The following KCNQ1OT1 variants were observed in gnomAD, a reference collection of about 807,000 sequenced individuals.
KCNQ1OT1 encodes the protein KCNQ1 antisense RNA 2 (non-protein coding).
At chr11:2,692,317 C>T in exon 1 of KCNQ1OT1, 1 of 399,066 alleles carries the variant, frequency 2.5e-6, no homozygotes, top group Non-Finnish European at 4.4e-6. Flanking sequence ...CCTATTGCCA[C>T]TGTCCTGATA....
exon 1 of KCNQ1OT1, chr11:2,640,368 C>A: frequency 2.5e-6 from 1 of 398,662 alleles, no homozygotes; most frequent in South Asian, 1.3e-4. Context: ...TTACTGCAAT[C>A]TTTAACTCCC....
In KCNQ1OT1 at chr11:2,651,579, C is replaced by T; in HGVS notation, n.48416G>A. 1 of 398,652 alleles carries T rather than the reference C, an allele frequency of 2.5e-6. No homozygotes were observed. Among genetic ancestry groups the T allele is most frequent in the Non-Finnish European group, 4.4e-6 (1 of 226,090 alleles). 24.7% of individuals were successfully genotyped at this position (398,652 alleles called of 1,614,324 possible). A position where few individuals can be genotyped will look rare whatever the true frequency, so the allele number is the denominator to read the frequency against. On this transcript the variant is annotated non_coding_transcript_exon_variant, in exon 1 of 1. Coordinates refer to ENST00000597346, the Ensembl canonical transcript of KCNQ1OT1. This position sits in a 1 kb window ranked among gnomAD's most constrained non-coding sequence, Gnocchi z 6.1. ...ATTGTGTTCTTTACCTCCATGTCTC[C>T]AGTGCCTGCCACATAGCAGGTCCTC... is the stretch of plus-strand genomic sequence containing the variant.
At chr11:2,641,833 G>A (rs771511023) in exon 1 of KCNQ1OT1, 14 of 398,142 alleles carry the variant, frequency 3.5e-5, no homozygotes, top group South Asian at 2.5e-4. Context: ...AGATAGAAAC[G>A]GTTTCATTTT....
chr11:2,619,720 T>G (rs2133802087), exon 1 of KCNQ1OT1: 1 of 398,446 alleles, frequency 2.5e-6, no homozygotes, highest in South Asian at 1.3e-4. Context: ...GCATTTTTTT[T>G]TTTTTGGAAG....
chr11:2,666,082 T>C (rs1850061751), exon 1 of KCNQ1OT1: 2 of 398,640 alleles, frequency 5.0e-6, no homozygotes, highest in East Asian at 7.1e-5. Context: ...CTGCAGCCTA[T>C]GGCTCTGCCC....
exon 1 of KCNQ1OT1, chr11:2,689,625 A>C (rs916379086): frequency 1.3e-5 from 5 of 398,584 alleles, no homozygotes; most frequent in Non-Finnish European, 1.8e-5. Flanking sequence ...TTTAGGAACA[A>C]AACAAGCCAG....
rs957664318 is a variant in KCNQ1OT1 at position 2,624,700 on chromosome 11, G to C, written n.75295C>G. 2 of 398,444 alleles carry C rather than the reference G, an allele frequency of 5.0e-6. No homozygotes were observed. The highest frequency in any genetic ancestry group is 8.8e-5 in the Admixed American group (2 of 22,720). The allele number at this position is 398,444 out of a possible 1,614,324, so 24.7% of individuals were successfully genotyped here. A position where few individuals can be genotyped will look rare whatever the true frequency, so the allele number is the denominator to read the frequency against. On this transcript the variant is annotated non_coding_transcript_exon_variant, in exon 1 of 1. Coordinates refer to ENST00000597346, the Ensembl canonical transcript of KCNQ1OT1. The surrounding 1 kb of genome is among the most constrained non-coding windows in gnomAD (Gnocchi z 4.9). ...TCCATCTCCATAACACTTGTCATTT[G>C]TAATTATGAAACTCTATATCCATTA...
rs1850339805 is a variant in KCNQ1OT1 at position 2,678,892 on chromosome 11, C to T, written n.21103G>A. ...TGCCAGCTGGACCCAAGGACCATTT[C>T]GTATACATGTATGATCATACTTTCA... On this transcript the variant is annotated non_coding_transcript_exon_variant, in exon 1 of 1. Coordinates refer to ENST00000597346, the Ensembl canonical transcript of KCNQ1OT1. The surrounding 1 kb of genome is among the most constrained non-coding windows in gnomAD (Gnocchi z 4.9). The T allele has an allele frequency of 2.5e-6, 1 of 398,554 alleles. No homozygotes were observed. Among genetic ancestry groups the T allele is most frequent in the East Asian group, 3.6e-5 (1 of 28,082 alleles). 24.7% of individuals were successfully genotyped at this position (398,554 alleles called of 1,614,324 possible).
chr11:2,699,989 C>T (rs1850768296), exon 1 of KCNQ1OT1: 7 of 398,168 alleles, frequency 1.8e-5, no homozygotes, highest in East Asian at 3.6e-5. Context: ...ACGCGGCGAC[C>T]GTTCTGCCTG....
In KCNQ1OT1 at chr11:2,611,239, G is replaced by T. The variant is rs1001478190; in HGVS notation, n.88756C>A. ...TTTATTTATTTTTATTTTATTTTTGGGATGGAGTCTCACTCTGTTGCCCAG... is the reference window on the plus strand; with the variant it reads ...TTTATTTATTTTTATTTTATTTTTGTGATGGAGTCTCACTCTGTTGCCCAG... On this transcript the variant is annotated non_coding_transcript_exon_variant, in exon 1 of 1. Coordinates refer to ENST00000597346, the Ensembl canonical transcript of KCNQ1OT1. This position sits in a 1 kb window ranked among gnomAD's most constrained non-coding sequence, Gnocchi z 5.3. The T allele has an allele frequency of 1.3e-5, 5 of 397,084 alleles. No homozygotes were observed. Among genetic ancestry groups the T allele is most frequent in the South Asian group, 1.3e-4 (1 of 7,416 alleles). 24.6% of individuals were successfully genotyped at this position (397,084 alleles called of 1,614,324 possible).
exon 1 of KCNQ1OT1, chr11:2,685,190 C>T (rs903106186): frequency 4.8e-5 from 19 of 398,642 alleles, no homozygotes; most frequent in African/African-American, 2.1e-4. Flanking sequence ...ATGCCCCCTT[C>T]GTGGGGATGG....
Position 2,668,612 on chromosome 11 carries a change from C to A in KCNQ1OT1, n.31383G>T. On this transcript the variant is annotated non_coding_transcript_exon_variant, in exon 1 of 1. Transcript: ENST00000597346. This position sits in a 1 kb window ranked among gnomAD's most constrained non-coding sequence, Gnocchi z 4.3. The stretch of plus-strand genomic sequence containing the variant: ...ATCATTCTGTATAAATTGCCTACAT[C>A]TTCTGCCTGTTTTATGTTTATTTAT... 1 of 398,586 alleles carries A rather than the reference C, an allele frequency of 2.5e-6. No individual in the cohort carries two copies. Among genetic ancestry groups the A allele is most frequent in the Non-Finnish European group, 4.4e-6 (1 of 226,060 alleles). The allele number at this position is 398,586 out of a possible 1,614,324, so 24.7% of individuals were successfully genotyped here. A position where few individuals can be genotyped will look rare whatever the true frequency, so the allele number is the denominator to read the frequency against.
rs1038832106 is a variant in KCNQ1OT1 at position 2,677,644 on chromosome 11, A to G, written n.22351T>C. 11 of 398,498 alleles carry G rather than the reference A, an allele frequency of 2.8e-5. No homozygotes were observed. The highest frequency in any genetic ancestry group is 4.9e-5 in the Non-Finnish European group (11 of 226,062). The allele number at this position is 398,498 out of a possible 1,614,324, so 24.7% of individuals were successfully genotyped here. ...ACGTGTACATAATTGTAACTCTAAC[A>G]ACTGTTATTGCATATGAGATAAAAT... On this transcript the variant is annotated non_coding_transcript_exon_variant, in exon 1 of 1. Transcript: ENST00000597346. The surrounding 1 kb of genome is among the most constrained non-coding windows in gnomAD (Gnocchi z 4.5).
rs891164478 is a variant in KCNQ1OT1 at position 2,698,214 on chromosome 11, T to G, written n.1781A>C. 1.0e-5 allele frequency: 4 copies of G among 398,642 alleles called. No homozygotes were observed. The highest frequency in any genetic ancestry group is 1.8e-5 in the Non-Finnish European group (4 of 226,068). 24.7% of individuals were successfully genotyped at this position (398,642 alleles called of 1,614,324 possible). On this transcript the variant is annotated non_coding_transcript_exon_variant, in exon 1 of 1. Coordinates refer to ENST00000597346, the Ensembl canonical transcript of KCNQ1OT1. The surrounding 1 kb of genome is among the most constrained non-coding windows in gnomAD (Gnocchi z 5.1). ...CCACAGTAAAGAAAGAACTGGTAAA[T>G]GCACATCAAATGTGGATATTATCAG...
In KCNQ1OT1 at chr11:2,645,555, G is replaced by A. The variant is rs1442166361; in HGVS notation, n.54440C>T. Reference sequence around the variant, plus strand: ...GAAGTTGAGTGGGATTGCTTTCAGTGGCAGCAGCTATAAACAGGCAGTTGG... The same window carrying A: ...GAAGTTGAGTGGGATTGCTTTCAGTAGCAGCAGCTATAAACAGGCAGTTGG... On this transcript the variant is annotated non_coding_transcript_exon_variant, in exon 1 of 1. Coordinates refer to ENST00000597346, the Ensembl canonical transcript of KCNQ1OT1. The surrounding 1 kb of genome is among the most constrained non-coding windows in gnomAD (Gnocchi z 5.8). The A allele has an allele frequency of 2.5e-6, 1 of 398,762 alleles. No homozygotes were observed. 24.7% of individuals were successfully genotyped at this position (398,762 alleles called of 1,614,324 possible).
exon 1 of KCNQ1OT1, chr11:2,619,486 A>C: frequency 2.5e-6 from 1 of 398,620 alleles, no homozygotes; most frequent in Non-Finnish European, 4.4e-6. Flanking sequence ...CATGTATATT[A>C]AATAAGATTT....
chr11:2,690,385 G>T lies in KCNQ1OT1; in HGVS notation n.9610C>A. 2.5e-6 allele frequency: 1 copy of T among 398,686 alleles called. No homozygotes were observed. The highest frequency in any genetic ancestry group is 4.4e-6 in the Non-Finnish European group (1 of 226,120). The allele number at this position is 398,686 out of a possible 1,614,324, so 24.7% of individuals were successfully genotyped here. A position where few individuals can be genotyped will look rare whatever the true frequency, so the allele number is the denominator to read the frequency against. On this transcript the variant is annotated non_coding_transcript_exon_variant, in exon 1 of 1. Transcript: ENST00000597346. This position sits in a 1 kb window ranked among gnomAD's most constrained non-coding sequence, Gnocchi z 5.1. ...ACTACTTGGCATGGAACATGTGCCA[G>T]ACCAAAAGAGCTATCTCTCTCCCTG...
Position 2,651,328 on chromosome 11 carries a change from T to A in KCNQ1OT1, n.48667A>T, listed in dbSNP as rs144996479. On this transcript the variant is annotated non_coding_transcript_exon_variant, in exon 1 of 1. Coordinates refer to ENST00000597346, the Ensembl canonical transcript of KCNQ1OT1. The surrounding 1 kb of genome is among the most constrained non-coding windows in gnomAD (Gnocchi z 6.1). ...AGCTGCACAGAACACTCCTCAGAGT[T>A]CTACAAGCGGCTGAGAGAGCTGGGG... 724 of 398,716 alleles carry A rather than the reference T, an allele frequency of 1.8e-3. 10 individuals are homozygous for A. The highest frequency in any genetic ancestry group is 0.014 in the African/African-American group (666 of 48,766). The allele number at this position is 398,716 out of a possible 1,614,324, so 24.7% of individuals were successfully genotyped here.
rs1425512405 is a variant in KCNQ1OT1, at chr11:2,674,079, C to T, written n.25916G>A. 1 of 398,536 alleles carries T rather than the reference C, an allele frequency of 2.5e-6. No individual in the cohort carries two copies. The highest frequency in any genetic ancestry group is 4.4e-6 in the Non-Finnish European group (1 of 226,140). The allele number at this position is 398,536 out of a possible 1,614,324, so 24.7% of individuals were successfully genotyped here. A position where few individuals can be genotyped will look rare whatever the true frequency, so the allele number is the denominator to read the frequency against. ...GCTGGCTGCCCCATGGGGGCTTGGGCTAGGTCTCCCTGCCGGTGGGGAGGG... is the reference window on the plus strand; with the variant it reads ...GCTGGCTGCCCCATGGGGGCTTGGGTTAGGTCTCCCTGCCGGTGGGGAGGG... On this transcript the variant is annotated non_coding_transcript_exon_variant, in exon 1 of 1. Transcript: ENST00000597346. The surrounding 1 kb of genome is among the most constrained non-coding windows in gnomAD (Gnocchi z 5.9).
Sources: gnomAD v4.1 joint callset for allele counts on GRCh38, gnomAD v4.1.1 for gene constraint, Gnocchi (gnomAD v3.1) non-coding constraint, MANE v1.5 for transcripts, NCBI Gene and HGNC (gene_info 2026-07-23, HGNC 2026-07-21) for gene names.